ARG1: variants seen among roughly 807,000 people sequenced by gnomAD.
The protein encoded by ARG1 is arginase 1.
A neutral mutation model predicts 33.0 loss-of-function variants in ARG1; 20 were observed. That is an observed-to-expected ratio of 0.61 (90% CI 0.43 to 0.88). ARG1 has a LOEUF of 0.88. Among genes scored for constraint, ARG1 ranks in the 40% least tolerant of loss-of-function variants. ARG1 has a pLI of 0.00. For missense variants in ARG1, 374 were observed against 384.7 expected (o/e 0.97, Z 0.23); for synonymous variants, 146 against 140.6 (o/e 1.04, Z -0.27).
chr6:131,573,331 A>G lies in ARG1; in HGVS notation c.49A>G (p.Lys17Glu). The G allele has an allele frequency of 6.2e-7, 1 of 1,614,020 alleles. No individual in the cohort carries two copies. Among genetic ancestry groups the G allele is most frequent in the Middle Eastern group, 1.6e-4 (1 of 6,062 alleles). ...AGGGATTATTGGAGCTCCTTTCTCA[A>G]AGGGACAGGTAAGGAAAAAAGTCTT... ...TIGIIGAPFS[K>E]GQPRGGVEEG... The change falls in exon 1 of 8, where the codon AAG (lysine) becomes GAG (glutamate). Residue 17 changes from lysine (K) to glutamate (E), a missense_variant. By Grantham distance (56) the Lys-to-Glu change is moderately conservative. Coordinates refer to ENST00000368087, the MANE Select transcript of ARG1 (RefSeq NM_000045.4).
At chr6:131,578,593 C>A (rs150572891) in intron 2 of ARG1, among the ~76,000 whole-genome samples, 14 of 152,204 alleles carry the variant, frequency 9.2e-5, no homozygotes, top group African/African-American at 3.1e-4. Flanking sequence ...TATGATAATA[C>A]CACTATGAGG....
At chr6:131,576,563 A>T in intron 1 of ARG1, 100 bp from the exon 2 acceptor site, 3 of 1,154,790 alleles carry the variant, frequency 2.6e-6, no homozygotes, top group Non-Finnish European at 3.9e-6. Flanking sequence ...TCAAAAAATG[A>T]TAGTTACAGT....
Position 131,583,166 on chromosome 6 carries a change from T to C in ARG1, c.665+2T>C, listed in dbSNP as rs113645893. 8.7e-6 allele frequency: 14 copies of C among 1,612,574 alleles called. No individual in the cohort carries two copies. Among genetic ancestry groups the C allele is most frequent in the Non-Finnish European group, 1.2e-5 (14 of 1,178,726 alleles). ...AACACTCAGCTATCTACTAGGAAGG[T>C]AGGATTCTTTTGTGTGTGCACACAT... On this transcript the variant is annotated splice_donor_variant, in intron 6 of 7. Transcript: ENST00000368087. LOFTEE classifies it high-confidence loss of function.
At chr6:131,577,904 C>CAA (rs574140142) in intron 2 of ARG1, among the ~76,000 whole-genome samples, 5 of 75,026 alleles carry the variant, frequency 6.7e-5, no homozygotes, top group South Asian at 4.5e-4. Flanking sequence ...ACTCCATCTC[C>CAA]AAAAAAAAAA....
chr6:131,582,279 G>C (rs1455509180), intron 4 of ARG1, among the ~76,000 whole-genome samples: 1 of 152,102 alleles, frequency 6.6e-6, no homozygotes, highest in Non-Finnish European at 1.5e-5. Context: ...AGCTGCTCTA[G>C]GCCATCCTCT....
At chr6:131,577,234 C>T (rs919375805) in intron 2 of ARG1, among the ~76,000 whole-genome samples, 3 of 152,086 alleles carry the variant, frequency 2.0e-5, no homozygotes, top group Non-Finnish European at 2.9e-5. Flanking sequence ...TTTCTGTTAC[C>T]TTTACATATA....
At position 131,579,231 on chromosome 6, in the gene ARG1, T is replaced by C. The variant is rs1311659158; in HGVS notation, c.251T>C (p.Val84Ala). The change falls in exon 3 of 8, where the codon GTG (valine) becomes GCG (alanine). Residue 84 changes from valine to alanine, a missense_variant. By Grantham distance (64) the Val-to-Ala change is moderately conservative. Transcript: ENST00000368087. ...GCAAGCGAGCAGCTGGCTGGCAAGG[T>C]GGCAGAAGTCAAGAAGAACGGAAGA... ...GKASEQLAGK[V>A]AEVKKNGRIS... 1.2e-6 allele frequency: 2 copies of C among 1,614,078 alleles called. No individual in the cohort carries two copies. Among genetic ancestry groups the C allele is most frequent in the Admixed American group, 3.3e-5 (2 of 60,004 alleles).
At chr6:131,573,907 T>C (rs1585392770) in intron 1 of ARG1, 2 of 304,390 alleles carry the variant, frequency 6.6e-6, no homozygotes, top group East Asian at 7.2e-5. Flanking sequence ...GAATCCTTTA[T>C]GTGCCTCACT....
At chr6:131,574,327 A>G in intron 1 of ARG1, 2 of 1,613,850 alleles carry the variant, frequency 1.2e-6, no homozygotes, top group Non-Finnish European at 1.7e-6. Context: ...GCCAGAGGTT[A>G]GAGGCCCAAA....
intron 1 of ARG1, 32 bp from the exon 2 acceptor site, chr6:131,576,631 T>A (rs201959088): frequency 1.3e-6 from 2 of 1,581,068 alleles, no homozygotes; most frequent in Non-Finnish European, 1.7e-6. Context: ...GTCATGATAA[T>A]GTCTGAAGTA....
chr6:131,583,243 C>A lies in ARG1; in HGVS notation c.665+79C>A. 8 of 1,598,014 alleles carry A rather than the reference C, an allele frequency of 5.0e-6. 1 individual carries two copies. In the South Asian group the frequency reaches 8.8e-5, roughly 18 times the overall value. ...TGACAACCAAAGTTATTAATAAAGT[C>A]TTTACATGAAATAATGGGTTGCTAC... On this transcript the variant is annotated intron_variant, in intron 6 of 7. Transcript: ENST00000368087.
intron 4 of ARG1, among the ~76,000 whole-genome samples, chr6:131,582,001 TTTG>T (rs1296535133): frequency 1.3e-5 from 2 of 152,158 alleles, no homozygotes; most frequent in Admixed American, 6.5e-5. Flanking sequence ...TATGCCATAG[TTTG>T]TTGATATGCC....
At chr6:131,575,190 G>A (rs1773555628) in intron 1 of ARG1, among the ~76,000 whole-genome samples, 1 of 152,130 alleles carries the variant, frequency 6.6e-6, no homozygotes, top group South Asian at 2.1e-4. Flanking sequence ...AGGGGTCTAT[G>A]AGCTTTGTTC....
At chr6:131,580,521 C>T (rs554452065) in intron 3 of ARG1, among the ~76,000 whole-genome samples, 2 of 152,168 alleles carry the variant, frequency 1.3e-5, no homozygotes, top group South Asian at 2.1e-4. Flanking sequence ...ATGGCAAAAC[C>T]GCAATACTTT....
rs113089165 is a variant in ARG1 at position 131,574,241 on chromosome 6, G to A, written c.57+902G>A. 4.3e-5 allele frequency: 69 copies of A among 1,609,986 alleles called. No individual in the cohort carries two copies. In the African/African-American group the frequency reaches 5.5e-4, roughly 13 times the overall value. Reference sequence around the variant, plus strand: ...TTTCTCCAGGTTTCTCAGGATCTGGGCAGCGTTTTGCTTCCTCTTAATTTG... The same window carrying A: ...TTTCTCCAGGTTTCTCAGGATCTGGACAGCGTTTTGCTTCCTCTTAATTTG... On this transcript the variant is annotated intron_variant, in intron 1 of 7. Coordinates refer to ENST00000368087, the MANE Select transcript of ARG1 (RefSeq NM_000045.4).
chr6:131,579,006 T>G (rs888226124), intron 2 of ARG1, 105 bp from the exon 3 acceptor site: 5 of 1,338,786 alleles, frequency 3.7e-6, no homozygotes, highest in Non-Finnish European at 5.2e-6. Context: ...TTTCCTTTGC[T>G]TATACTTGTG....
At chr6:131,579,327 G>GA in intron 3 of ARG1, 42 bp downstream of exon 3, 1 of 1,605,538 alleles carries the variant, frequency 6.2e-7, no homozygotes, top group South Asian at 1.1e-5. Context: ...TGGCACAAAG[G>GA]AAGTAACCAA....
intron 1 of ARG1, chr6:131,574,044 T>C: frequency 1.8e-6 from 1 of 549,352 alleles, no homozygotes; most frequent in South Asian, 2.3e-5. Context: ...AATCCACACA[T>C]GCCAGCAACA....
rs184383419 is a variant in ARG1, at chr6:131,580,027, A to C, written c.305+742A>C. Reference sequence around the variant, plus strand: ...GCTATATACGTACATATTGCGGCATATTCAGGTTGCATTATAATTTTCACC... The same window carrying C: ...GCTATATACGTACATATTGCGGCATCTTCAGGTTGCATTATAATTTTCACC... On this transcript the variant is annotated intron_variant, in intron 3 of 7. Transcript: ENST00000368087. Among the ~76,000 whole-genome samples the C allele has an allele frequency of 3.4e-3, 522 of 152,314 alleles. 4 individuals are homozygous for C. The highest frequency in any genetic ancestry group is 3.9e-3 in the Non-Finnish European group (262 of 68,026).
Sources: allele counts gnomAD v4.1 joint callset (sites outside exome capture counted in the v4.1 genomes callset), GRCh38; gene constraint gnomAD v4.1.1; transcripts MANE v1.5; gene names NCBI Gene and HGNC (gene_info 2026-07-23, HGNC 2026-07-21).